PTPRN2: variants seen among roughly 807,000 people sequenced by gnomAD.
The protein encoded by PTPRN2 is receptor-type tyrosine-protein phosphatase N2.
A neutral mutation model predicts 118.8 loss-of-function variants in PTPRN2; 74 were observed. The observed-to-expected ratio is 0.62, with a 90% CI of 0.52 to 0.76. PTPRN2 has a LOEUF of 0.76. Ranked by LOEUF, PTPRN2 falls within the 30% of genes least tolerant of loss-of-function variation. PTPRN2 has a pLI of 0.00. For missense variants in PTPRN2, 1,481 were observed against 1,394.4 expected (o/e 1.06, Z -0.99); for synonymous variants, 641 against 608.0 (o/e 1.05, Z -0.80).
At chr7:157,555,542 C>G (rs971133863) in intron 21 of PTPRN2, among the ~76,000 whole-genome samples, 1 of 152,172 alleles carries the variant, frequency 6.6e-6, no homozygotes, top group Non-Finnish European at 1.5e-5. Flanking sequence ...ATGGGGTGTG[C>G]CGGGAGGGCC....
chr7:158,085,289 CCCA>C lies in PTPRN2; in HGVS notation c.1644-3915_1644-3913del, dbSNP rs1465352821. On this transcript the variant is annotated intron_variant, in intron 10 of 22. Transcript: ENST00000389418. ...CCATCCACACAGATACCCATCCACA[CCCA>C]CGACGCCCATCCACACCCACGACGC... 9.9e-4 allele frequency among the ~76,000 whole-genome samples: 132 copies of C among 133,338 alleles called. 1 individual carries two copies. The highest frequency in any genetic ancestry group is 1.6e-3 in the Non-Finnish European group (98 of 62,826). 87.5% of individuals were successfully genotyped at this position (133,338 alleles called of 152,430 possible).
chr7:158,292,183 G>A (rs552344693), intron 3 of PTPRN2, among the ~76,000 whole-genome samples: 1 of 152,268 alleles, frequency 6.6e-6, no homozygotes, highest in East Asian at 1.9e-4. Context: ...AGTTCCGATA[G>A]GTCTCAATTT....
intron 12 of PTPRN2, among the ~76,000 whole-genome samples, chr7:157,878,223 C>T (rs755330742): frequency 1.4e-4 from 22 of 152,260 alleles, no homozygotes; most frequent in African/African-American, 3.9e-4. Flanking sequence ...CGTGCTGGGC[C>T]GGCCAGTGCT....
At chr7:158,006,236 C>A (rs1283952071) in intron 11 of PTPRN2, among the ~76,000 whole-genome samples, 1 of 152,304 alleles carries the variant, frequency 6.6e-6, no homozygotes, top group East Asian at 1.9e-4. Flanking sequence ...GAGTTCACAT[C>A]CCTTTTCCTT....
intron 6 of PTPRN2, among the ~76,000 whole-genome samples, chr7:158,161,851 C>T (rs1409919511): frequency 8.2e-6 from 1 of 121,762 alleles, no homozygotes; most frequent in Non-Finnish European, 1.8e-5. Context: ...GATAAAGGAC[C>T]AATATCTAAA....
intron 5 of PTPRN2, among the ~76,000 whole-genome samples, chr7:158,175,966 C>T (rs527954365): frequency 2.0e-5 from 3 of 151,288 alleles, no homozygotes; most frequent in African/African-American, 4.8e-5. Flanking sequence ...CTGATCTCAC[C>T]CCGCCCTGCT....
intron 2 of PTPRN2, among the ~76,000 whole-genome samples, chr7:158,450,668 G>A (rs891208480): frequency 6.6e-6 from 1 of 152,176 alleles, no homozygotes; most frequent in African/African-American, 2.4e-5. Flanking sequence ...TCATGTCTGT[G>A]AGATGATCCG....
intron 12 of PTPRN2, chr7:157,863,016 C>T (rs1366900785): frequency 6.6e-6 from 1 of 152,292 alleles, no homozygotes; most frequent in Non-Finnish European, 1.5e-5. Flanking sequence ...TCAGGCGGCA[C>T]TTGGTGGGCA....
intron 2 of PTPRN2, among the ~76,000 whole-genome samples, chr7:158,383,327 C>A (rs1270178214): frequency 6.6e-6 from 1 of 152,178 alleles, no homozygotes; most frequent in Non-Finnish European, 1.5e-5. Context: ...TTGATATAAT[C>A]CACAGGGCCA....
Position 157,603,557 on chromosome 7 carries a change from T to C in PTPRN2, c.2418+445A>G, listed in dbSNP as rs1801811207. The stretch of plus-strand genomic sequence containing the variant: ...ACAGGGTCCCATTCACTGGAAATAC[T>C]TCAGGAAAACGAACCTGAAATTCTG... On this transcript the variant is annotated intron_variant, in intron 16 of 22. Coordinates refer to ENST00000389418, the MANE Select transcript of PTPRN2 (RefSeq NM_002847.5). This position sits in a 1 kb window ranked among gnomAD's most constrained non-coding sequence, Gnocchi z 5.4. Among the ~76,000 whole-genome samples the C allele has an allele frequency of 6.6e-6, 1 of 152,200 alleles. No homozygotes were observed.
rs1340726453 is a variant in PTPRN2, at chr7:157,787,082, C to G, written c.1789-104145G>C. Among the ~76,000 whole-genome samples the G allele has an allele frequency of 5.9e-4, 65 of 109,282 alleles. No individual in the cohort carries two copies. Among genetic ancestry groups the G allele is most frequent in the African/African-American group, 2.0e-3 (54 of 27,170 alleles). 71.7% of individuals were successfully genotyped at this position (109,282 alleles called of 152,430 possible). A position where few individuals can be genotyped will look rare whatever the true frequency, so the allele number is the denominator to read the frequency against. Reference sequence around the variant, plus strand: ...AGGCGGACGCGGGTGCGGCGGGGGACGCGGGGGTGGCTGCCCGGGAGGCGG... The same window carrying G: ...AGGCGGACGCGGGTGCGGCGGGGGAGGCGGGGGTGGCTGCCCGGGAGGCGG... On this transcript the variant is annotated intron_variant, in intron 12 of 22. Coordinates refer to ENST00000389418, the MANE Select transcript of PTPRN2 (RefSeq NM_002847.5). The surrounding 1 kb of genome is among the most constrained non-coding windows in gnomAD (Gnocchi z 5.3).
chr7:157,541,873 C>G (rs1417975631), intron 22 of PTPRN2, among the ~76,000 whole-genome samples: 2 of 152,236 alleles, frequency 1.3e-5, no homozygotes, highest in Non-Finnish European at 2.9e-5. Flanking sequence ...AGACAAAAGA[C>G]AGTTTCTCCT....
Position 158,110,875 on chromosome 7 carries a change from C to T in PTPRN2, c.1597G>A (p.Val533Ile), listed in dbSNP as rs753171784. The change falls in exon 10 of 23, where the codon GTC becomes ATC. Residue 533 changes from valine (V) to isoleucine (I), a missense_variant. Coordinates refer to ENST00000389418, the MANE Select transcript of PTPRN2 (RefSeq NM_002847.5). ...CTGGGCACCTGCAGGAGGCGGGCGA[C>T]GTCCTCCACCAGCCGCCTTCCTTCC... ...PEEGRRLVED[V>I]ARLLQVPSSA... 12 of 1,586,504 alleles carry T rather than the reference C, an allele frequency of 7.6e-6. No individual in the cohort carries two copies. Among genetic ancestry groups the T allele is most frequent in the Middle Eastern group, 1.7e-4 (1 of 6,028 alleles).
intron 9 of PTPRN2, among the ~76,000 whole-genome samples, chr7:158,119,152 G>C (rs1444928897): frequency 6.6e-6 from 1 of 152,064 alleles, no homozygotes; most frequent in Non-Finnish European, 1.5e-5. Context: ...AGCGTGTATA[G>C]AGTACTCTTA....
intron 12 of PTPRN2, among the ~76,000 whole-genome samples, chr7:157,754,070 A>T (rs1033480509): frequency 6.6e-6 from 1 of 152,174 alleles, no homozygotes; most frequent in African/African-American, 2.4e-5. Flanking sequence ...TGTGGCTGGG[A>T]TCTGTGGCAA....
chr7:158,210,404 C>T (rs1168121705), intron 3 of PTPRN2, among the ~76,000 whole-genome samples: 1 of 151,976 alleles, frequency 6.6e-6, no homozygotes, highest in Admixed American at 6.6e-5. Flanking sequence ...CAAAGTGATG[C>T]ATCTTAAAGA....
rs12698242 is a variant in PTPRN2 at position 158,376,332 on chromosome 7, C to T, written c.164-59400G>A. Among the ~76,000 whole-genome samples, 1,196 of 150,004 alleles carry T rather than the reference C, an allele frequency of 8.0e-3. 11 individuals carry two copies. The highest frequency in any genetic ancestry group is 0.014 in the Non-Finnish European group (966 of 67,520). ...GGGACTCCCCCACGGCCCTGTCACA[C>T]GTCCTGCACGTGGGGTTAGGGGACT... On this transcript the variant is annotated intron_variant, in intron 2 of 22. Transcript: ENST00000389418.
intron 5 of PTPRN2, among the ~76,000 whole-genome samples, chr7:158,188,209 G>GCC (rs1563576431): frequency 0.017 from 1,025 of 61,918 alleles, 47 homozygotes; most frequent in Middle Eastern, 0.024. Flanking sequence ...CGCCACGCTC[G>GCC]CCGCCTGATG....
chr7:158,230,674 A>G (rs1168602033), intron 3 of PTPRN2, among the ~76,000 whole-genome samples: 3 of 152,196 alleles, frequency 2.0e-5, no homozygotes, highest in African/African-American at 7.2e-5. Context: ...TAACACATGC[A>G]CTAAAAATAA....
Sources: gnomAD v4.1 joint callset for allele counts (sites outside exome capture counted in the v4.1 genomes callset) on GRCh38, gnomAD v4.1.1 for gene constraint, Gnocchi (gnomAD v3.1) non-coding constraint, MANE v1.5 for transcripts, NCBI Gene and HGNC (gene_info 2026-07-23, HGNC 2026-07-21) for gene names.